Variants in KCTD1 observed in about 807,000 individuals in gnomAD.
KCTD1 encodes potassium channel tetramerization domain containing 1.
Under a neutral mutation model 66.0 loss-of-function variants are expected in KCTD1, and 24 were observed. The observed-to-expected ratio is 0.36, with a 90% CI of 0.26 to 0.51. The LOEUF is 0.51. Ranked by LOEUF, KCTD1 falls within the 20% of genes least tolerant of loss-of-function variation. The pLI is 0.95. For missense variants in KCTD1, 943 were observed against 1,205.2 expected, an observed-to-expected ratio of 0.78 and a Z score of 3.22; for synonymous variants, 511 against 517.2, an observed-to-expected ratio of 0.99 and a Z score of 0.16.
At chr18:26,596,011 G>A (rs1986757221) in intron 1 of KCTD1, among the ~76,000 whole-genome samples, 1 of 152,178 alleles carries the variant, frequency 6.6e-6, no homozygotes, top group Non-Finnish European at 1.5e-5. Context: ...TCACACTACT[G>A]CACTGCAGCT....
At chr18:26,491,253 A>G (rs1354290296) in intron 2 of KCTD1, among the ~76,000 whole-genome samples, 1 of 152,082 alleles carries the variant, frequency 6.6e-6, no homozygotes, top group Non-Finnish European at 1.5e-5. Flanking sequence ...GAGGGTGGTG[A>G]CTAACACAGC....
intron 1 of KCTD1, among the ~76,000 whole-genome samples, chr18:26,608,255 T>C (rs1313277898): frequency 1.3e-5 from 2 of 152,250 alleles, no homozygotes; most frequent in Non-Finnish European, 2.9e-5. Context: ...TTACACTGTT[T>C]GATCTCTTGT....
At chr18:26,643,307 T>C (rs1400621911), upstream of KCTD1, among the ~76,000 whole-genome samples, 1 of 152,088 alleles carries the variant, frequency 6.6e-6, no homozygotes, top group Non-Finnish European at 1.5e-5. Flanking sequence ...TACTCTTAAT[T>C]ATGTCCCCAA....
chr18:26,488,842 G>A (rs1982047108), intron 2 of KCTD1, among the ~76,000 whole-genome samples: 1 of 152,204 alleles, frequency 6.6e-6, no homozygotes, highest in Admixed American at 6.5e-5. Context: ...ATTATCCAAC[G>A]AGTGTCTTTT....
At chr18:26,616,505 A>T (rs577391487) in intron 1 of KCTD1, among the ~76,000 whole-genome samples, 1 of 151,966 alleles carries the variant, frequency 6.6e-6, no homozygotes, top group Admixed American at 6.5e-5. Context: ...GTATACATAC[A>T]TACATACACA....
chr18:26,519,693 A>C (rs1312162411), intron 1 of KCTD1, among the ~76,000 whole-genome samples: 3 of 152,248 alleles, frequency 2.0e-5, no homozygotes, highest in African/African-American at 4.8e-5. Flanking sequence ...TTAAAATGTT[A>C]AACAAATTAA....
At chr18:26,599,097 A>G (rs1298016616) in intron 1 of KCTD1, among the ~76,000 whole-genome samples, 1 of 152,158 alleles carries the variant, frequency 6.6e-6, no homozygotes, top group Non-Finnish European at 1.5e-5. Context: ...ATTTAGTTCA[A>G]TGTTTTCTTC....
chr18:26,505,451 G>A (rs955943538), intron 1 of KCTD1, among the ~76,000 whole-genome samples: 5 of 152,216 alleles, frequency 3.3e-5, no homozygotes, highest in African/African-American at 4.8e-5. Flanking sequence ...AACTCCCTCC[G>A]GAATACAGAC....
Position 26,468,374 on chromosome 18 carries a change from C to T in KCTD1, c.2133+8141G>A, listed in dbSNP as rs980080798. On this transcript the variant is annotated intron_variant, in intron 3 of 4. Coordinates refer to ENST00000580059, the MANE Select transcript of KCTD1 (RefSeq NM_001142730.3). This position sits in a 1 kb window ranked among gnomAD's most constrained non-coding sequence, Gnocchi z 4.8. The stretch of plus-strand genomic sequence containing the variant: ...TCAAAGATGAAATGGGTATCCGGCT[C>T]GGACAGCACATTTGCGGAATGAGAT... 1.3e-5 allele frequency among the ~76,000 whole-genome samples: 2 copies of T among 152,194 alleles called. No individual in the cohort carries two copies. Among genetic ancestry groups the T allele is most frequent in the Admixed American group, 1.3e-4 (2 of 15,276 alleles).
At chr18:26,593,508 GAGGAGGAGGAAGAAGACAAGGAGA>G (rs1234968719) in intron 1 of KCTD1, among the ~76,000 whole-genome samples, 2 of 88,470 alleles carry the variant, frequency 2.3e-5, no homozygotes, top group African/African-American at 4.6e-5. Context: ...GGAGGAAGAT[GAGGAGGAGGAAGAAGACAAGGAGA>G]AGGAGGAGGA....
intron 1 of KCTD1, among the ~76,000 whole-genome samples, chr18:26,622,983 C>T (rs557729420): frequency 6.6e-6 from 1 of 152,292 alleles, no homozygotes; most frequent in East Asian, 1.9e-4. Flanking sequence ...TCTTATTCAT[C>T]ATCTATATGC....
chr18:26,541,284 G>C (rs1159494512), intron 1 of KCTD1, among the ~76,000 whole-genome samples: 1 of 152,172 alleles, frequency 6.6e-6, no homozygotes, highest in Non-Finnish European at 1.5e-5. Flanking sequence ...ATTCTCATTG[G>C]GGGTGAAAAT....
At chr18:26,526,220 C>T (rs911255439) in intron 1 of KCTD1, among the ~76,000 whole-genome samples, 6 of 152,066 alleles carry the variant, frequency 3.9e-5, no homozygotes, top group African/African-American at 1.2e-4. Flanking sequence ...CGAGGAAAGC[C>T]GGTGTGTTGG....
chr18:26,605,693 A>AC (rs1376554902), intron 1 of KCTD1, among the ~76,000 whole-genome samples: 10 of 67,704 alleles, frequency 1.5e-4, no homozygotes, highest in Admixed American at 1.4e-3. Flanking sequence ...GTCCCCACCC[A>AC]CCCCCCTAAA....
At chr18:26,603,734 CTG>C (rs1390555199) in intron 1 of KCTD1, among the ~76,000 whole-genome samples, 1 of 136,618 alleles carries the variant, frequency 7.3e-6, no homozygotes, top group Non-Finnish European at 1.6e-5. Flanking sequence ...CAGAGTGAGA[CTG>C]TGTCTCAAAA....
chr18:26,495,613 GACCA>G (rs1322439400), intron 2 of KCTD1, among the ~76,000 whole-genome samples: 3 of 151,902 alleles, frequency 2.0e-5, no homozygotes, highest in African/African-American at 7.3e-5. Context: ...ATTTAGAAGA[GACCA>G]ATTTAACATA....
rs141400213 is a variant in KCTD1 at position 26,494,995 on chromosome 18, G to A, written c.1988+6077C>T. ...TTCTGTGACTTTTAAATTTGCTATC[G>A]ACATTGAATTATAAAGCATGTGGAT... On this transcript the variant is annotated intron_variant, in intron 2 of 4. Coordinates refer to ENST00000580059, the MANE Select transcript of KCTD1 (RefSeq NM_001142730.3). Among the ~76,000 whole-genome samples, 1,029 of 152,154 alleles carry A rather than the reference G, an allele frequency of 6.8e-3. 11 individuals carry two copies. The highest frequency in any genetic ancestry group is 0.01 in the South Asian group (50 of 4,812).
chr18:26,500,128 A>G (rs1355799230), intron 2 of KCTD1, among the ~76,000 whole-genome samples: 2 of 151,934 alleles, frequency 1.3e-5, no homozygotes, highest in East Asian at 3.9e-4. Flanking sequence ...CAAAAAATAA[A>G]AAAATTAGCC....
chr18:26,549,065 G>A (rs1310100142), upstream of KCTD1: 40 of 985,208 alleles, frequency 4.1e-5, no homozygotes, highest in Non-Finnish European at 4.6e-5. Context: ...GGCCGCGGGT[G>A]CTGCCGCGGG....
Sources: gnomAD v4.1 joint callset for allele counts (sites outside exome capture counted in the v4.1 genomes callset) on GRCh38, gnomAD v4.1.1 for gene constraint, Gnocchi (gnomAD v3.1) non-coding constraint, MANE v1.5 for transcripts, NCBI Gene and HGNC (gene_info 2026-07-23, HGNC 2026-07-21) for gene names.